SAMD12: variants seen among roughly 807,000 people sequenced by gnomAD.
SAMD12 encodes sterile alpha motif domain containing 12.
A neutral mutation model predicts 15.0 loss-of-function variants in SAMD12; 9 were observed. That is an observed-to-expected ratio of 0.60 (90% confidence interval 0.36 to 1.05). The LOEUF is 1.05. Among genes scored for constraint, SAMD12 ranks in the 50% least tolerant of loss-of-function variants. The pLI is 0.01. For synonymous variants in SAMD12, 86 were observed against 90.1 expected, an observed-to-expected ratio of 0.96 and a Z score of 0.25; for missense variants, 230 against 234.2, an observed-to-expected ratio of 0.98 and a Z score of 0.12.
intron 2 of SAMD12, among the ~76,000 whole-genome samples, chr8:118,522,906 A>G (rs1299711986): frequency 6.6e-6 from 1 of 152,222 alleles, no homozygotes; most frequent in Non-Finnish European, 1.5e-5. Flanking sequence ...ATACGTATCC[A>G]CACAATGAAT....
At chr8:118,443,056 C>A (rs947229183) in intron 2 of SAMD12, among the ~76,000 whole-genome samples, 1 of 152,156 alleles carries the variant, frequency 6.6e-6, no homozygotes, top group Non-Finnish European at 1.5e-5. Flanking sequence ...ATCATAAATT[C>A]AGAGATTCTG....
chr8:118,613,412 T>C (rs1469372175), intron 1 of SAMD12, among the ~76,000 whole-genome samples: 1 of 152,162 alleles, frequency 6.6e-6, no homozygotes, highest in African/African-American at 2.4e-5. Flanking sequence ...TGTTAATTCT[T>C]AGAACAAAAA....
intron 1 of SAMD12, among the ~76,000 whole-genome samples, chr8:118,602,090 A>C (rs1827877115): frequency 6.6e-6 from 1 of 152,096 alleles, no homozygotes; most frequent in Non-Finnish European, 1.5e-5. Context: ...TATCAGGCCC[A>C]CTTATGGTTG....
chr8:118,317,356 T>G (rs765433826), intron 4 of SAMD12, among the ~76,000 whole-genome samples: 1 of 152,162 alleles, frequency 6.6e-6, no homozygotes, highest in African/African-American at 2.4e-5. Context: ...CCAGTTATAG[T>G]CAGAGTAGTC....
chr8:118,407,815 T>G (rs1821206932), intron 3 of SAMD12, among the ~76,000 whole-genome samples: 2 of 152,186 alleles, frequency 1.3e-5, no homozygotes, highest in South Asian at 2.1e-4. Context: ...TTGACAGCTT[T>G]TCAGTTAGTC....
intron 3 of SAMD12, among the ~76,000 whole-genome samples, chr8:118,401,557 G>C (rs921732494): frequency 5.2e-4 from 40 of 77,018 alleles, no homozygotes; most frequent in African/African-American, 2.0e-3. Context: ...TTTTTTTTTT[G>C]TATAAACAGG....
At chr8:118,179,751 G>A in the SAMD12 span, among the ~76,000 whole-genome samples, 6 of 152,214 alleles carry the variant, frequency 3.9e-5, no homozygotes, top group Middle Eastern at 3.4e-3. Flanking sequence ...GAGTGTTTGC[G>A]GTTTACTATC....
intron 4 of SAMD12, among the ~76,000 whole-genome samples, chr8:118,315,573 T>C (rs1815850352): frequency 6.6e-6 from 1 of 152,164 alleles, no homozygotes. Context: ...GTGAGAGTGA[T>C]GAAACATAGA....
At chr8:118,150,497 C>T in the SAMD12 span, among the ~76,000 whole-genome samples, 2 of 152,074 alleles carry the variant, frequency 1.3e-5, no homozygotes, top group Admixed American at 6.6e-5. Context: ...CCTCTCACCT[C>T]GGCCTCCCGA....
intron 3 of SAMD12, among the ~76,000 whole-genome samples, chr8:118,428,157 T>C (rs1822289983): frequency 6.6e-6 from 1 of 152,246 alleles, no homozygotes; most frequent in Non-Finnish European, 1.5e-5. Flanking sequence ...ATGTATTTTG[T>C]ATACAAGTTC....
At chr8:118,349,404 G>A (rs1489518941) in intron 4 of SAMD12, among the ~76,000 whole-genome samples, 2 of 152,242 alleles carry the variant, frequency 1.3e-5, no homozygotes, top group African/African-American at 4.8e-5. Context: ...TGCACAAGGT[G>A]TGATAAAACA....
intron 2 of SAMD12, among the ~76,000 whole-genome samples, chr8:118,504,106 G>A (rs906248196): frequency 6.6e-6 from 1 of 151,900 alleles, no homozygotes; most frequent in African/African-American, 2.4e-5. Context: ...CTCTTTTCCT[G>A]TCAGCATATT....
chr8:118,511,927 A>G (rs1255509488), intron 2 of SAMD12, among the ~76,000 whole-genome samples: 2 of 152,154 alleles, frequency 1.3e-5, no homozygotes, highest in African/African-American at 4.8e-5. Context: ...AGACAAATCA[A>G]ACTTGCCCTT....
chr8:118,422,031 T>A (rs1300615738), intron 3 of SAMD12, among the ~76,000 whole-genome samples: 1 of 152,110 alleles, frequency 6.6e-6, no homozygotes. Context: ...AAGTTGCAGA[T>A]AGGGAAGTAT....
chr8:118,380,823 AC>A (rs1819633323), intron 3 of SAMD12, among the ~76,000 whole-genome samples: 1 of 152,156 alleles, frequency 6.6e-6, no homozygotes. Context: ...CTTCCTTTTA[AC>A]CTTTGCTAAG....
At chr8:118,446,190 ACAT>A (rs1315482210) in intron 2 of SAMD12, among the ~76,000 whole-genome samples, 2 of 151,394 alleles carry the variant, frequency 1.3e-5, no homozygotes, top group Non-Finnish European at 2.9e-5. Flanking sequence ...CTGTTTAAAG[ACAT>A]CACTGTTGTA....
chr8:118,536,029 T>C (rs1331247044), intron 2 of SAMD12, among the ~76,000 whole-genome samples: 1 of 152,206 alleles, frequency 6.6e-6, no homozygotes, highest in Non-Finnish European at 1.5e-5. Flanking sequence ...TCACCTGTCT[T>C]CTGCGTCGCT....
rs563337991 is a variant in SAMD12, at chr8:118,554,202, T to G, written c.192+26513A>C. Among the ~76,000 whole-genome samples, 252 of 152,278 alleles carry G rather than the reference T, an allele frequency of 1.7e-3. 1 individual carries two copies. Among genetic ancestry groups the G allele is most frequent in the Middle Eastern group, 3.4e-3 (1 of 294 alleles). On this transcript the variant is annotated intron_variant, in intron 2 of 3. Transcript: ENST00000314727. ...TACTGGGTATATACCCAAAGGCCTA[T>G]AAATCAGGCTGCTATAAAGACACAT...
At chr8:118,549,983 G>C (rs944135601) in intron 2 of SAMD12, among the ~76,000 whole-genome samples, 5 of 152,128 alleles carry the variant, frequency 3.3e-5, no homozygotes, top group African/African-American at 1.2e-4. Context: ...AGGGAAAAAA[G>C]AATAAAAAGA....
Sources: gnomAD v4.1 joint callset for allele counts (sites outside exome capture counted in the v4.1 genomes callset) on GRCh38, gnomAD v4.1.1 for gene constraint, MANE v1.5 for transcripts, NCBI Gene and HGNC (gene_info 2026-07-23, HGNC 2026-07-21) for gene names.